BRINP3: variants seen among roughly 807,000 people sequenced by gnomAD.
The protein encoded by BRINP3 is BMP/retinoic acid-inducible neural-specific protein 3.
Under a neutral mutation model 71.0 loss-of-function variants are expected in BRINP3, and 19 were observed. The observed-to-expected ratio is 0.27, with a 90% CI of 0.19 to 0.39. The LOEUF (loss-of-function observed/expected upper bound fraction) is 0.39. BRINP3 is among the 10% of genes least tolerant of loss of function. The pLI, the probability that BRINP3 is intolerant of heterozygous loss-of-function variation, is 1.00. For synonymous variants in BRINP3, 380 were observed against 337.7 expected, an observed-to-expected ratio of 1.13 and a Z score of -1.37; for missense variants, 959 against 940.8, an observed-to-expected ratio of 1.02 and a Z score of -0.25.
intron 2 of BRINP3, among the ~76,000 whole-genome samples, chr1:190,403,014 A>T (rs1487927411): frequency 5.3e-5 from 8 of 152,148 alleles, no homozygotes; most frequent in South Asian, 2.1e-4. Flanking sequence ...GGAATGAGCT[A>T]CCTATCTTGT....
In BRINP3 at chr1:190,454,882, C is replaced by T. The variant is rs761538047; in HGVS notation, c.9G>A (p.Trp3Ter). 1 of 1,613,676 alleles carries T rather than the reference C, an allele frequency of 6.2e-7. No individual in the cohort carries two copies. Among genetic ancestry groups the T allele is most frequent in the South Asian group, 1.1e-5 (1 of 91,066 alleles). The change falls in exon 2 of 8, where the codon TGG (tryptophan) becomes TGA (stop). Residue 3 changes from tryptophan (W) to a stop codon, truncating the protein, a stop_gained. Transcript: ENST00000367462. LOFTEE classifies it high-confidence loss of function. ...ACAATTCAGCACCAGCTCTGCTTCGCCATATCATGCTTCCACTGGGGATTT... is the reference window on the plus strand; with the variant it reads ...ACAATTCAGCACCAGCTCTGCTTCGTCATATCATGCTTCCACTGGGGATTT... MI[W>*]RSRAGAELFS...
intron 6 of BRINP3, among the ~76,000 whole-genome samples, chr1:190,225,090 G>A (rs1657228822): frequency 2.6e-5 from 4 of 151,784 alleles, no homozygotes; most frequent in Middle Eastern, 3.2e-3. Flanking sequence ...AACACCTAAA[G>A]TAGAAGTACC....
chr1:190,189,949 G>T (rs1189600523), intron 6 of BRINP3, among the ~76,000 whole-genome samples: 1 of 152,144 alleles, frequency 6.6e-6, no homozygotes, highest in Non-Finnish European at 1.5e-5. Context: ...ATGCATCGCA[G>T]TCAGTGTGGC....
Position 190,202,715 on chromosome 1 carries a change from G to C in BRINP3, c.961+23367C>G, listed in dbSNP as rs971566408. Among the ~76,000 whole-genome samples the C allele has an allele frequency of 9.2e-5, 14 of 152,082 alleles. 1 individual carries two copies. The highest frequency in any genetic ancestry group is 3.4e-4 in the African/African-American group (14 of 41,530). ...GATCTGATGGTTTTAAAAAATGGGA[G>C]TTTGTCTGAAAAAAGTCTAGTTTTG... On this transcript the variant is annotated intron_variant, in intron 6 of 7. Transcript: ENST00000367462.
chr1:190,222,980 A>T (rs995165985), intron 6 of BRINP3, among the ~76,000 whole-genome samples: 1 of 149,730 alleles, frequency 6.7e-6, no homozygotes, highest in Non-Finnish European at 1.5e-5. Context: ...ATGAAGAAAT[A>T]AAAAAAAAAT....
chr1:190,336,285 C>A (rs542099878), intron 2 of BRINP3, among the ~76,000 whole-genome samples: 1 of 151,974 alleles, frequency 6.6e-6, no homozygotes, highest in Non-Finnish European at 1.5e-5. Flanking sequence ...TTACTAAGAT[C>A]ATTTTGATGT....
chr1:190,117,563 T>C (rs1268686671), intron 7 of BRINP3, among the ~76,000 whole-genome samples: 1 of 152,016 alleles, frequency 6.6e-6, no homozygotes, highest in Non-Finnish European at 1.5e-5. Context: ...GCAGGTGTTT[T>C]AGAATGTTTT....
intron 2 of BRINP3, among the ~76,000 whole-genome samples, chr1:190,305,189 T>C (rs1047435167): frequency 1.3e-5 from 2 of 151,962 alleles, no homozygotes; most frequent in Middle Eastern, 3.4e-3. Flanking sequence ...TAGAAAAAAT[T>C]TGGAGGTTCC....
At chr1:190,114,866 A>C (rs936055168) in intron 7 of BRINP3, among the ~76,000 whole-genome samples, 1 of 152,006 alleles carries the variant, frequency 6.6e-6, no homozygotes, top group African/African-American at 2.4e-5. Context: ...TATTTCTGGA[A>C]CCCCATTGCT....
At position 190,352,775 on chromosome 1, in the gene BRINP3, T is replaced by C. The variant is rs550575445; in HGVS notation, c.237-71025A>G. On this transcript the variant is annotated intron_variant, in intron 2 of 7. Transcript: ENST00000367462. The stretch of plus-strand genomic sequence containing the variant: ...CCTCACAACAAAACCTACCCATTCA[T>C]TAAATTCATAAGAGAAAATACTACC... Among the ~76,000 whole-genome samples, 3 of 152,066 alleles carry C rather than the reference T, an allele frequency of 2.0e-5. No individual in the cohort carries two copies. In the South Asian group the frequency reaches 6.2e-4, roughly 32 times the overall value.
intron 3 of BRINP3, among the ~76,000 whole-genome samples, chr1:190,269,007 TAAGA>T (rs1415431966): frequency 6.6e-6 from 1 of 152,066 alleles, no homozygotes; most frequent in Admixed American, 6.6e-5. Flanking sequence ...GTGAAAAAAG[TAAGA>T]AAGACTTAAA....
chr1:190,243,388 T>C (rs554461430), intron 4 of BRINP3, among the ~76,000 whole-genome samples: 19 of 152,172 alleles, frequency 1.2e-4, no homozygotes, highest in African/African-American at 4.6e-4. Flanking sequence ...CTATAAAAAA[T>C]ACATGTAGCC....
At chr1:190,149,716 A>G (rs1342140190) in intron 7 of BRINP3, among the ~76,000 whole-genome samples, 2 of 151,650 alleles carry the variant, frequency 1.3e-5, no homozygotes, top group Non-Finnish European at 2.9e-5. Context: ...ACATTGTTTT[A>G]TATTTGTTTA....
At chr1:190,179,518 AT>A (rs1336671341) in intron 6 of BRINP3, among the ~76,000 whole-genome samples, 2 of 152,076 alleles carry the variant, frequency 1.3e-5, no homozygotes, top group African/African-American at 4.8e-5. Flanking sequence ...TTGACTTTCC[AT>A]TTTTTCTACA....
At chr1:190,202,703 T>C (rs964738241) in intron 6 of BRINP3, among the ~76,000 whole-genome samples, 1 of 152,042 alleles carries the variant, frequency 6.6e-6, no homozygotes, top group East Asian at 1.9e-4. Flanking sequence ...CTGATGGTTT[T>C]AAAAAATGGG....
intron 4 of BRINP3, among the ~76,000 whole-genome samples, chr1:190,244,266 AT>A (rs930882829): frequency 4.3e-4 from 65 of 151,858 alleles, no homozygotes; most frequent in African/African-American, 1.2e-3. Flanking sequence ...TGCAAAAAAA[AT>A]ATCTGTTGCC....
intron 2 of BRINP3, among the ~76,000 whole-genome samples, chr1:190,449,719 C>G (rs1240918120): frequency 6.6e-6 from 1 of 152,120 alleles, no homozygotes; most frequent in Non-Finnish European, 1.5e-5. Flanking sequence ...GGAGACTGCA[C>G]TGATATGTAG....
intron 2 of BRINP3, among the ~76,000 whole-genome samples, chr1:190,449,999 A>G (rs1675498617): frequency 6.6e-6 from 1 of 152,206 alleles, no homozygotes; most frequent in African/African-American, 2.4e-5. Context: ...ATTTAAATAG[A>G]GAAAAATATT....
intron 2 of BRINP3, among the ~76,000 whole-genome samples, chr1:190,448,340 A>T (rs1358927535): frequency 1.3e-5 from 2 of 151,726 alleles, no homozygotes; most frequent in Non-Finnish European, 3.0e-5. Flanking sequence ...TTGAGTATAC[A>T]TTGCATGACC....
Sources: allele counts gnomAD v4.1 joint callset (sites outside exome capture counted in the v4.1 genomes callset), GRCh38; gene constraint gnomAD v4.1.1; transcripts MANE v1.5; gene names NCBI Gene and HGNC (gene_info 2026-07-23, HGNC 2026-07-21).